LINS1: variants seen among roughly 807,000 people sequenced by gnomAD.
LINS1 encodes protein Lines homolog 1.
Under a neutral mutation model 41.6 loss-of-function variants are expected in LINS1, and 27 were observed. That is an observed-to-expected ratio of 0.65 (90% CI 0.48 to 0.89). The LOEUF (loss-of-function observed/expected upper bound fraction) is 0.89, where lower values mean the gene tolerates loss of function less well. Ranked by LOEUF, LINS1 falls within the 40% of genes least tolerant of loss-of-function variation. LINS1 has a pLI of 0.00. For missense variants in LINS1, 955 were observed against 884.1 expected, an observed-to-expected ratio of 1.08 and a Z score of -1.02; for synonymous variants, 336 against 312.9, an observed-to-expected ratio of 1.07 and a Z score of -0.78.
At chr15:100,597,253 T>A (rs1399218179) in intron 1 of LINS1, among the ~76,000 whole-genome samples, 2 of 151,538 alleles carry the variant, frequency 1.3e-5, no homozygotes, top group Admixed American at 1.3e-4. Context: ...ATGTGACCAC[T>A]CCAAAGGCAA....
intron 3 of LINS1, among the ~76,000 whole-genome samples, chr15:100,575,494 C>T (rs1318174252): frequency 2.0e-5 from 3 of 152,208 alleles, no homozygotes; most frequent in Admixed American, 6.5e-5. Context: ...TATATATGCA[C>T]CCAATACAAG....
intron 1 of LINS1, among the ~76,000 whole-genome samples, chr15:100,592,214 T>C (rs528178555): frequency 6.6e-6 from 1 of 152,272 alleles, no homozygotes; most frequent in Admixed American, 6.5e-5. Context: ...ACTTTCATTT[T>C]CAATAAATCT....
At chr15:100,572,344 A>T in intron 5 of LINS1, 1 of 1,212,986 alleles carries the variant, frequency 8.2e-7, no homozygotes, top group Non-Finnish European at 1.0e-6. Context: ...CTTAGAAATA[A>T]AAGTTATGTG....
chr15:100,584,273 T>TA (rs1454650965), intron 1 of LINS1, among the ~76,000 whole-genome samples: 1 of 146,938 alleles, frequency 6.8e-6, no homozygotes, highest in Non-Finnish European at 1.5e-5. Flanking sequence ...GCTATAGCAA[T>TA]AAAAATACTT....
rs565615729 is a variant in LINS1 at position 100,589,883 on chromosome 15, G to C, written c.-103-8938C>G. The stretch of plus-strand genomic sequence containing the variant: ...CCACAGTGTATTTTCACTAGGTACA[G>C]AAAGCTTTTTATGGTTTGCTGAGGA... On this transcript the variant is annotated intron_variant, in intron 1 of 6. Transcript: ENST00000314742. Among the ~76,000 whole-genome samples, 15 of 152,324 alleles carry C rather than the reference G, an allele frequency of 9.8e-5. No individual in the cohort carries two copies. The South Asian group carries it at 2.9e-3, about 29-fold the overall frequency.
At chr15:100,590,047 G>T (rs1381227908) in intron 1 of LINS1, among the ~76,000 whole-genome samples, 1 of 152,048 alleles carries the variant, frequency 6.6e-6, no homozygotes, top group Non-Finnish European at 1.5e-5. Context: ...ACTGAGGAGG[G>T]TCCCTCCACA....
intron 3 of LINS1, among the ~76,000 whole-genome samples, chr15:100,578,012 C>T (rs1009951904): frequency 1.3e-5 from 2 of 152,084 alleles, no homozygotes; most frequent in African/African-American, 2.4e-5. Context: ...ATACCTTATA[C>T]AAAAATTAAT....
chr15:100,579,205 A>G (rs2038380474), intron 3 of LINS1, among the ~76,000 whole-genome samples: 1 of 151,594 alleles, frequency 6.6e-6, no homozygotes. Flanking sequence ...ATAAAAAACT[A>G]AAAATAAAAA....
chr15:100,576,052 A>C (rs1282679999), intron 3 of LINS1, among the ~76,000 whole-genome samples: 1 of 152,216 alleles, frequency 6.6e-6, no homozygotes, highest in Admixed American at 6.5e-5. Flanking sequence ...TACAGCACTA[A>C]ATGCCCACAA....
In LINS1 at chr15:100,580,725, C is replaced by A. The variant is rs1335533982; in HGVS notation, c.118G>T (p.Asp40Tyr). 6.2e-7 allele frequency: 1 copy of A among 1,611,898 alleles called. No homozygotes were observed. The highest frequency in any genetic ancestry group is 1.7e-5 in the Admixed American group (1 of 59,858). ...FYLNPAVSDQ[D>Y]CSTATSLEWA... Reference sequence around the variant, plus strand: ...TCTAAGGAGGTGGCTGTAGAACAATCTTGATCTGAAACTGCTGGGTTGAGA... The same window carrying A: ...TCTAAGGAGGTGGCTGTAGAACAATATTGATCTGAAACTGCTGGGTTGAGA... Residue 40 changes from aspartate to tyrosine, a missense_variant, in exon 2 of 7, where the codon GAT becomes TAT. By Grantham distance (160) the Asp-to-Tyr change is radical. Transcript: ENST00000314742.
chr15:100,599,138 A>T (rs2039366038), intron 1 of LINS1, among the ~76,000 whole-genome samples: 1 of 152,240 alleles, frequency 6.6e-6, no homozygotes, highest in Non-Finnish European at 1.5e-5. Context: ...ATGAATACTT[A>T]TCCCAAATTA....
In LINS1 at chr15:100,580,737, C is replaced by T. The variant is rs1439972727; in HGVS notation, c.106G>A (p.Val36Ile). 1.2e-6 allele frequency: 2 copies of T among 1,610,840 alleles called. No homozygotes were observed. Among genetic ancestry groups the T allele is most frequent in the East Asian group, 2.2e-5 (1 of 44,830 alleles). Residue 36 changes from valine to isoleucine, a missense_variant, in exon 2 of 7, where the codon GTT becomes ATT. By Grantham distance (29) the Val-to-Ile change is conservative. Transcript: ENST00000314742. ...HDYIFYLNPA[V>I]SDQDCSTATS... ...GCTGTAGAACAATCTTGATCTGAAACTGCTGGGTTGAGATAAAAGATGTAA... is the reference window on the plus strand; with the variant it reads ...GCTGTAGAACAATCTTGATCTGAAATTGCTGGGTTGAGATAAAAGATGTAA...
At position 100,597,181 on chromosome 15, in the gene LINS1, C is replaced by T. The variant is rs141664841; in HGVS notation, c.-104+4940G>A. 8.1e-4 allele frequency among the ~76,000 whole-genome samples: 123 copies of T among 152,192 alleles called. 1 individual carries two copies. Among genetic ancestry groups the T allele is most frequent in the Middle Eastern group, 3.4e-3 (1 of 294 alleles). ...GGTCTCCCTTTCAAATTCTTTTGTG[C>T]AGAGAAGCGAAGAACCTGACCTGGC... On this transcript the variant is annotated intron_variant, in intron 1 of 6. Coordinates refer to ENST00000314742, the MANE Select transcript of LINS1 (RefSeq NM_001040616.3).
intron 3 of LINS1, among the ~76,000 whole-genome samples, chr15:100,578,295 C>T (rs901617287): frequency 6.6e-6 from 1 of 152,182 alleles, no homozygotes; most frequent in Non-Finnish European, 1.5e-5. Context: ...GGCTAATATC[C>T]AGAATCTACA....
At chr15:100,570,329 G>T (rs1330420466) in intron 6 of LINS1, 3 of 447,692 alleles carry the variant, frequency 6.7e-6, no homozygotes, top group Non-Finnish European at 1.2e-5. Flanking sequence ...GACTTTGGCA[G>T]TTCTAGTTTT....
At chr15:100,600,718 T>C (rs955274474) in intron 1 of LINS1, among the ~76,000 whole-genome samples, 3 of 152,166 alleles carry the variant, frequency 2.0e-5, no homozygotes, top group African/African-American at 7.2e-5. Flanking sequence ...TTATGAAATA[T>C]GATTGCTGGG....
intron 1 of LINS1, among the ~76,000 whole-genome samples, chr15:100,582,446 T>C (rs2038594143): frequency 7.3e-6 from 1 of 136,164 alleles, no homozygotes. Flanking sequence ...GGGTCTTCCA[T>C]CTACACTATG....
At chr15:100,597,526 G>C (rs1294709295) in intron 1 of LINS1, among the ~76,000 whole-genome samples, 1 of 152,128 alleles carries the variant, frequency 6.6e-6, no homozygotes, top group African/African-American at 2.4e-5. Context: ...TTATTGATGA[G>C]GAATCTCAGC....
chr15:100,583,538 C>T (rs1036961611), intron 1 of LINS1, among the ~76,000 whole-genome samples: 1 of 152,226 alleles, frequency 6.6e-6, no homozygotes, highest in African/African-American at 2.4e-5. Context: ...GTTGTTCTAT[C>T]TGACAGTGTT....
Sources: allele counts gnomAD v4.1 joint callset (sites outside exome capture counted in the v4.1 genomes callset), GRCh38; gene constraint gnomAD v4.1.1; transcripts MANE v1.5; gene names NCBI Gene and HGNC (gene_info 2026-07-23, HGNC 2026-07-21).